The following COL4A6 variants were observed in gnomAD, a reference collection of about 807,000 sequenced individuals.
The protein encoded by COL4A6 is collagen alpha-6(IV) chain.
A neutral mutation model predicts 126.7 loss-of-function variants in COL4A6; 59 were observed. That is an observed-to-expected ratio of 0.47 (90% CI 0.38 to 0.58). The LOEUF (loss-of-function observed/expected upper bound fraction) is 0.58. Among genes scored for constraint, COL4A6 ranks in the 20% least tolerant of loss-of-function variants. COL4A6 has a pLI of 0.00. For synonymous variants in COL4A6, 547 were observed against 496.6 expected (o/e 1.10, Z -1.35); for missense variants, 1,285 against 1,337.3 (o/e 0.96, Z 0.61).
In COL4A6 at chrX:108,172,072, G is replaced by C. The variant is rs1010544689; in HGVS notation, c.3202+397C>G. On this transcript the variant is annotated intron_variant, in intron 32 of 44. Coordinates refer to ENST00000334504, the MANE Select transcript of COL4A6 (RefSeq NM_033641.4). ...ACCCTCGCAAGAGACCCTTGGGATG[G>C]CCAGGTGCAGTGGCTCACGCCTGTA... Among the ~76,000 whole-genome samples the C allele has an allele frequency of 1.7e-4, 19 of 112,122 alleles. No individual in the cohort carries two copies. In the Admixed American group the frequency reaches 1.8e-3, roughly 11 times the overall value.
chrX:108,213,047 C>T (rs1369726422), intron 6 of COL4A6, among the ~76,000 whole-genome samples: 1 of 111,426 alleles, frequency 9.0e-6, no homozygotes, highest in African/African-American at 3.3e-5. Flanking sequence ...CCTCCCCACC[C>T]CCCGGCATAT....
intron 2 of COL4A6, among the ~76,000 whole-genome samples, chrX:108,421,260 C>T (rs138905493): frequency 0.023 from 2,540 of 112,181 alleles, 30 homozygotes; most frequent in Non-Finnish European, 0.037. Context: ...TTGCTAATAA[C>T]AGCTAAATTT....
intron 3 of COL4A6, among the ~76,000 whole-genome samples, chrX:108,232,299 T>C (rs1421606668): frequency 3.6e-5 from 4 of 111,490 alleles, no homozygotes; most frequent in Non-Finnish European, 7.5e-5. Flanking sequence ...TTAATGGGAA[T>C]TGCAAGAATA....
intron 37 of COL4A6, among the ~76,000 whole-genome samples, chrX:108,165,954 C>G (rs910116984): frequency 8.9e-6 from 1 of 112,813 alleles, no homozygotes; most frequent in Non-Finnish European, 1.9e-5. Flanking sequence ...CCAGGCCGAT[C>G]AGAATGGAGG....
chrX:108,235,185 G>C (rs757515670), intron 3 of COL4A6, among the ~76,000 whole-genome samples: 15 of 111,457 alleles, frequency 1.3e-4, no homozygotes, highest in African/African-American at 2.9e-4. Context: ...AGGTGAGGGA[G>C]AGGGATAAGT....
intron 42 of COL4A6, 22 bp downstream of exon 42, chrX:108,161,597 T>TC (rs1217093481): frequency 8.0e-6 from 2 of 249,883 alleles, no homozygotes; most frequent in Non-Finnish European, 1.4e-5. Flanking sequence ...CCCGCCCGCC[T>TC]CCTAATGTGG....
chrX:108,388,054 C>T (rs1049495651), intron 2 of COL4A6, among the ~76,000 whole-genome samples: 2 of 111,899 alleles, frequency 1.8e-5, no homozygotes, highest in Admixed American at 9.5e-5. Flanking sequence ...CCTTGCATCC[C>T]CAGGATGAAG....
At chrX:108,273,946 A>G (rs749469425) in intron 3 of COL4A6, among the ~76,000 whole-genome samples, 5 of 112,082 alleles carry the variant, frequency 4.5e-5, no homozygotes, top group African/African-American at 1.6e-4. Context: ...ATTTTTTTTC[A>G]TGTGTACTAG....
intron 14 of COL4A6, among the ~76,000 whole-genome samples, chrX:108,195,635 T>C (rs980454741): frequency 3.6e-5 from 4 of 111,967 alleles, no homozygotes; most frequent in African/African-American, 1.3e-4. Flanking sequence ...TTTTTTAATA[T>C]CTAAATAAAT....
At chrX:108,405,519 G>A (rs1265676796) in intron 2 of COL4A6, among the ~76,000 whole-genome samples, 1 of 111,461 alleles carries the variant, frequency 9.0e-6, no homozygotes, top group Non-Finnish European at 1.9e-5. Flanking sequence ...AGGTTGTGAA[G>A]TCCTTTAGGT....
intron 2 of COL4A6, among the ~76,000 whole-genome samples, chrX:108,408,082 G>A (rs1387005017): frequency 2.7e-5 from 3 of 111,346 alleles, no homozygotes; most frequent in Non-Finnish European, 5.6e-5. Flanking sequence ...AGGCTGAAGT[G>A]GGAGGATTGC....
intron 3 of COL4A6, among the ~76,000 whole-genome samples, chrX:108,308,085 T>A (rs1272028818): frequency 1.8e-5 from 2 of 111,453 alleles, no homozygotes; most frequent in Non-Finnish European, 3.8e-5. Context: ...AATATTGAGG[T>A]AAAAATCTGT....
chrX:108,171,934 G>A (rs2148085307), intron 32 of COL4A6, among the ~76,000 whole-genome samples: 1 of 112,312 alleles, frequency 8.9e-6, no homozygotes, highest in South Asian at 3.8e-4. Context: ...GAGAGATCTT[G>A]GTAAGTACCA....
chrX:108,387,656 TACAA>T (rs936382781), intron 2 of COL4A6, among the ~76,000 whole-genome samples: 28 of 112,050 alleles, frequency 2.5e-4, no homozygotes, highest in Admixed American at 2.8e-4. Flanking sequence ...TCATGTCATC[TACAA>T]ACAGAGACAA....
rs753422300 is a variant in COL4A6 at position 108,157,244 on chromosome X, G to A, written c.4829C>T (p.Ala1610Val). The A allele has an allele frequency of 2.5e-6, 3 of 1,208,791 alleles. No individual in the cohort carries two copies. In the East Asian group the frequency reaches 8.9e-5, roughly 36 times the overall value. ...GACCAGGGACTGGCCTCCACCCTCG[G>A]CACCAGCGGCAGTGTGCTGAAACAG... ...YSFLMHTAAG[A>V]EGGGQSLVSP... Residue 1610 changes from alanine (A) to valine (V), a missense_variant, in exon 45 of 45, where the codon GCC (alanine) becomes GTC (valine). Ala to Val is a moderately conservative substitution (Grantham distance 64). Transcript: ENST00000334504.
chrX:108,191,042 T>C (rs6622296), intron 19 of COL4A6, among the ~76,000 whole-genome samples: 28,067 of 110,570 alleles, frequency 0.25, 3,010 homozygotes, highest in East Asian at 0.61. Context: ...TGGAGCCTTG[T>C]GGACCAGGGC....
chrX:108,173,277 A>G (rs2034372642), intron 31 of COL4A6, among the ~76,000 whole-genome samples: 1 of 111,932 alleles, frequency 8.9e-6, no homozygotes, highest in South Asian at 3.8e-4. Flanking sequence ...ACTACCCAGG[A>G]CACCCCTCCA....
At chrX:108,280,222 A>T (rs1263202338) in intron 3 of COL4A6, among the ~76,000 whole-genome samples, 1 of 111,653 alleles carries the variant, frequency 9.0e-6, no homozygotes, top group Non-Finnish European at 1.9e-5. Context: ...TTTTGAAAGG[A>T]TCAACAAAAT....
rs937778785 is a variant in COL4A6 at position 108,161,841 on chromosome X, G to A, written c.4217-106C>T. 3.7e-5 allele frequency: 19 copies of A among 511,811 alleles called. No individual in the cohort carries two copies. In the South Asian group the frequency reaches 4.0e-4, roughly 11 times the overall value. The allele number at this position is 511,811 out of a possible 1,213,427, so 42.2% of individuals were successfully genotyped here. On this transcript the variant is annotated intron_variant, in intron 41 of 44. Transcript: ENST00000334504. ...TCATGCCCAAGACTCACTAGGAGAC[G>A]ATGCACTTGGCTGTCGACTTGGTGT...
Sources: gnomAD v4.1 joint callset for allele counts (sites outside exome capture counted in the v4.1 genomes callset) on GRCh38, gnomAD v4.1.1 for gene constraint, MANE v1.5 for transcripts, NCBI Gene and HGNC (gene_info 2026-07-23, HGNC 2026-07-21) for gene names.